The following KSR2 variants were observed in gnomAD, a reference collection of about 807,000 sequenced individuals.
KSR2 encodes the protein kinase suppressor of ras 2.
In KSR2, 25 loss-of-function variants were observed where a neutral mutation model predicts 107.8. The ratio of observed to expected loss-of-function variants is 0.23; its 90% CI spans 0.17 to 0.32. KSR2 has a LOEUF of 0.32. KSR2 is among the 10% of genes least tolerant of loss of function. The pLI is 1.00. For synonymous variants in KSR2, 480 were observed against 507.0 expected (o/e 0.95, Z 0.71); for missense variants, 887 against 1,268.9 (o/e 0.70, Z 4.57).
In KSR2 at chr12:117,462,607, G is replaced by C. The variant is rs1870959863; in HGVS notation, c.*4592C>G. ...GGACTTCTGGCATCCAGATGGGTGAGAGATGATACATCTGTTGTTGTAGGC... is the reference window on the plus strand; with the variant it reads ...GGACTTCTGGCATCCAGATGGGTGACAGATGATACATCTGTTGTTGTAGGC... On this transcript the variant is annotated 3_prime_UTR_variant, in exon 20 of 20. Coordinates refer to ENST00000339824, the MANE Select transcript of KSR2 (RefSeq NM_173598.6). 6.6e-6 allele frequency: 1 copy of C among 152,266 alleles called. No individual in the cohort carries two copies. Among genetic ancestry groups the C allele is most frequent in the Non-Finnish European group, 1.5e-5 (1 of 68,076 alleles). 9.4% of individuals were successfully genotyped at this position (152,266 alleles called of 1,614,324 possible).
At chr12:117,679,836 G>A (rs1379261354) in intron 4 of KSR2, among the ~76,000 whole-genome samples, 1 of 152,112 alleles carries the variant, frequency 6.6e-6, no homozygotes, top group Non-Finnish European at 1.5e-5. Context: ...CCAACCAATG[G>A]CCAAATCCAG....
intron 17 of KSR2, among the ~76,000 whole-genome samples, chr12:117,473,207 C>T (rs531368502): frequency 7.2e-5 from 11 of 152,176 alleles, no homozygotes; most frequent in Middle Eastern, 3.2e-3. Flanking sequence ...GGTGCTGCCC[C>T]CTGTGGACAC....
chr12:117,790,343 G>C (rs575991769), intron 3 of KSR2, among the ~76,000 whole-genome samples: 4 of 152,302 alleles, frequency 2.6e-5, no homozygotes, highest in Non-Finnish European at 4.4e-5. Flanking sequence ...GACAACTAGA[G>C]GCAAGGGGCA....
At chr12:117,636,715 A>G in intron 5 of KSR2, among the ~76,000 whole-genome samples, 1 of 152,250 alleles carries the variant, frequency 6.6e-6, no homozygotes, top group East Asian at 1.9e-4. Flanking sequence ...TTAGAAGAAT[A>G]TATAGAACAA....
At chr12:117,726,899 C>T (rs1887448175) in intron 4 of KSR2, among the ~76,000 whole-genome samples, 1 of 152,124 alleles carries the variant, frequency 6.6e-6, no homozygotes, top group Non-Finnish European at 1.5e-5. Flanking sequence ...TCTCAATAAC[C>T]TCAACCTGGA....
In KSR2 at chr12:117,734,749, C is replaced by CATGGATGGATGGATGG. The variant is rs1240974255; in HGVS notation, c.986+26261_986+26262insCCATCCATCCATCCAT. Among the ~76,000 whole-genome samples the CATGGATGGATGGATGG allele has an allele frequency of 7.4e-5, 11 of 149,170 alleles. No individual in the cohort carries two copies. In the East Asian group the frequency reaches 8.1e-4, roughly 11 times the overall value. ...GGATGGACGCATGCATGCATGCATG[C>CATGGATGGATGGATGG]ATGCATGGATGGATGGATGGATGGA... On this transcript the variant is annotated intron_variant, in intron 4 of 19. Transcript: ENST00000339824.
intron 5 of KSR2, among the ~76,000 whole-genome samples, chr12:117,657,010 A>G (rs1884211974): frequency 1.1e-5 from 1 of 86,960 alleles, no homozygotes; most frequent in Non-Finnish European, 2.5e-5. Context: ...ATATATATAT[A>G]TATATCCTAT....
At chr12:117,613,333 C>G (rs571085927) in intron 5 of KSR2, among the ~76,000 whole-genome samples, 1 of 152,302 alleles carries the variant, frequency 6.6e-6, no homozygotes, top group African/African-American at 2.4e-5. Flanking sequence ...CTCAGCTCCC[C>G]CATTGGCCTC....
chr12:117,814,667 A>G (rs1040647147), intron 3 of KSR2, among the ~76,000 whole-genome samples: 1 of 152,188 alleles, frequency 6.6e-6, no homozygotes, highest in African/African-American at 2.4e-5. Context: ...GGCTCCATTC[A>G]GAGAGCACTC....
chr12:117,696,648 T>C (rs950900962), intron 4 of KSR2, among the ~76,000 whole-genome samples: 1 of 152,148 alleles, frequency 6.6e-6, no homozygotes, highest in Non-Finnish European at 1.5e-5. Context: ...TTGCATTGGG[T>C]TGGATAGTGC....
At chr12:117,828,028 G>A (rs1401321456) in intron 3 of KSR2, among the ~76,000 whole-genome samples, 1 of 152,136 alleles carries the variant, frequency 6.6e-6, no homozygotes, top group Non-Finnish European at 1.5e-5. Context: ...AAATGTAGCA[G>A]GGACTCACAT....
At chr12:117,793,277 CCAA>C (rs1890353026) in intron 3 of KSR2, among the ~76,000 whole-genome samples, 1 of 101,276 alleles carries the variant, frequency 9.9e-6, no homozygotes, top group South Asian at 4.1e-4. Flanking sequence ...TGCACACACG[CCAA>C]CATGCAACAT....
chr12:117,472,876 G>A (rs1052817511), intron 17 of KSR2, among the ~76,000 whole-genome samples: 4 of 152,036 alleles, frequency 2.6e-5, no homozygotes, highest in Admixed American at 1.3e-4. Context: ...ACTACTTGGG[G>A]CTCTGCTGAC....
intron 4 of KSR2, among the ~76,000 whole-genome samples, chr12:117,679,865 AAAT>A (rs1183155253): frequency 2.0e-5 from 3 of 152,198 alleles, no homozygotes; most frequent in Non-Finnish European, 4.4e-5. Flanking sequence ...TTGTTTTGGT[AAAT>A]AAAGTTTCCT....
chr12:117,644,825 G>A (rs142364675), intron 5 of KSR2, among the ~76,000 whole-genome samples: 2 of 152,280 alleles, frequency 1.3e-5, no homozygotes, highest in East Asian at 1.9e-4. Context: ...ACAAACAAAC[G>A]AGAGCATGAA....
intron 1 of KSR2, among the ~76,000 whole-genome samples, chr12:117,869,394 T>G (rs990138295): frequency 6.6e-6 from 1 of 152,050 alleles, no homozygotes; most frequent in Non-Finnish European, 1.5e-5. Flanking sequence ...GAAACAAAGT[T>G]TGAGCATTTC....
chr12:117,578,033 G>A (rs978617409), intron 7 of KSR2, among the ~76,000 whole-genome samples: 2 of 152,130 alleles, frequency 1.3e-5, no homozygotes, highest in Non-Finnish European at 2.9e-5. Flanking sequence ...CCTACCTTTT[G>A]CTAGCCATGA....
chr12:117,824,345 G>A (rs1046707593), intron 3 of KSR2, among the ~76,000 whole-genome samples: 1 of 152,244 alleles, frequency 6.6e-6, no homozygotes, highest in East Asian at 1.9e-4. Context: ...GTATTCAACA[G>A]ATCAGTAGTG....
chr12:117,935,106 G>A (rs967132265), intron 1 of KSR2, among the ~76,000 whole-genome samples: 1 of 151,836 alleles, frequency 6.6e-6, no homozygotes, highest in Non-Finnish European at 1.5e-5. Context: ...GGGATTACAG[G>A]TCTGAGCCAC....
Sources: gnomAD v4.1 joint callset for allele counts (sites outside exome capture counted in the v4.1 genomes callset) on GRCh38, gnomAD v4.1.1 for gene constraint, MANE v1.5 for transcripts, NCBI Gene and HGNC (gene_info 2026-07-23, HGNC 2026-07-21) for gene names.